AGRN: variants seen among roughly 807,000 people sequenced by gnomAD.
The protein encoded by AGRN is agrin.
AGRN carries 106 observed loss-of-function variants against 211.0 expected under a neutral mutation model. The observed-to-expected ratio is 0.50, with a 90% CI of 0.43 to 0.59. The LOEUF (loss-of-function observed/expected upper bound fraction) is 0.59. AGRN is among the 20% of genes least tolerant of loss of function. The probability of loss-of-function intolerance (pLI) is 0.00; values close to 1 mark genes in which losing one functional copy is unlikely to be tolerated. For synonymous variants in AGRN, 1,525 were observed against 1,332.5 expected, an observed-to-expected ratio of 1.14 and a Z score of -3.15; for missense variants, 3,040 against 2,982.6, an observed-to-expected ratio of 1.02 and a Z score of -0.45.
intron 30 of AGRN, 162 bp downstream of exon 30, chr1:1,050,999 G>A (rs1341559466): frequency 5.2e-6 from 8 of 1,549,912 alleles, no homozygotes; most frequent in African/African-American, 2.7e-5. Context: ...CTCTGCTCTC[G>A]CTCTGCAACC....
chr1:1,047,743 G>C lies in AGRN; in HGVS notation c.3632-33G>C, dbSNP rs2488998. ...AGGCAATGGGTGGGGGATGCCTGGG[G>C]CTCTGCCATGCTCAGAGCTCCCTCC... On this transcript the variant is annotated intron_variant, in intron 21 of 35. Coordinates refer to ENST00000379370, the MANE Select transcript of AGRN (RefSeq NM_198576.4). The C allele has an allele frequency of 6.2e-6, 10 of 1,611,220 alleles. No individual in the cohort carries two copies. In the South Asian group the frequency reaches 6.6e-5, roughly 11 times the overall value.
chr1:1,031,450 G>T lies in AGRN; in HGVS notation c.464-3827G>T, dbSNP rs887380337. Among the ~76,000 whole-genome samples, 1 of 152,168 alleles carries T rather than the reference G, an allele frequency of 6.6e-6. No homozygotes were observed. Among genetic ancestry groups the T allele is most frequent in the Non-Finnish European group, 1.5e-5 (1 of 68,018 alleles). On this transcript the variant is annotated intron_variant, in intron 2 of 35. Transcript: ENST00000379370. This position sits in a 1 kb window ranked among gnomAD's most constrained non-coding sequence, Gnocchi z 4.8. ...TCGCCTGAGCTCCCTCCCTGGCTGG[G>T]CCTGGGGCCTCAATGGCCCTTTGTC... is the stretch of plus-strand genomic sequence containing the variant.
At position 1,048,421 on chromosome 1, in the gene AGRN, T is replaced by TGG; in HGVS notation, c.4105+60_4105+61dup. 1.5e-6 allele frequency: 1 copy of TGG among 685,194 alleles called. No homozygotes were observed. Among genetic ancestry groups the TGG allele is most frequent in the Non-Finnish European group, 2.4e-6 (1 of 420,592 alleles). 42.4% of individuals were successfully genotyped at this position (685,194 alleles called of 1,614,324 possible). ...GAGGCAGCAGGGTGGGGGCAAGGATTGGGGGTGGGGCTAAGCCACCATCAG... is the reference window on the plus strand; with the variant it reads ...GAGGCAGCAGGGTGGGGGCAAGGATTGGGGGGGTGGGGCTAAGCCACCATCAG... On this transcript the variant is annotated intron_variant, in intron 23 of 35. Coordinates refer to ENST00000379370, the MANE Select transcript of AGRN (RefSeq NM_198576.4). The surrounding 1 kb of genome is among the most constrained non-coding windows in gnomAD (Gnocchi z 5.9).
At position 1,049,429 on chromosome 1, in the gene AGRN, G is replaced by A. The variant is rs772019604; in HGVS notation, c.4492G>A (p.Val1498Ile). 1.1e-5 allele frequency: 17 copies of A among 1,599,210 alleles called. No homozygotes were observed. The highest frequency in any genetic ancestry group is 3.3e-5 in the Admixed American group (2 of 59,984). The change falls in exon 25 of 36, where the codon GTA becomes ATA. Residue 1498 changes from valine to isoleucine, a missense_variant. Val to Ile is a conservative substitution (Grantham distance 29, BLOSUM62 3). Around this residue, in one of 3 missense-constraint regions of AGRN, gnomAD observed 1,537 missense variants for 1,505.0 expected, o/e 1.02. Coordinates refer to ENST00000379370, the MANE Select transcript of AGRN (RefSeq NM_198576.4). ...NLDTDLFVGG[V>I]PEDQAAVALE... ...GGACACAGACCTCTTTGTGGGCGGC[G>A]TACCCGAGGACCAGGCTGCCGTGTG...
intron 1 of AGRN, among the ~76,000 whole-genome samples, chr1:1,020,827 TG>T (rs1326088649): frequency 1.1e-4 from 2 of 17,836 alleles, no homozygotes; most frequent in Non-Finnish European, 3.2e-4. Flanking sequence ...GGGAGCCAGG[TG>T]GGGGGTGCCG....
rs201280723 is a variant in AGRN, at chr1:1,042,016, G to T, written c.1238G>T (p.Arg413Leu). 1.2e-6 allele frequency: 2 copies of T among 1,610,980 alleles called. No individual in the cohort carries two copies. The highest frequency in any genetic ancestry group is 1.3e-5 in the African/African-American group (1 of 75,022). The change falls in exon 7 of 36, where the codon CGC (arginine) becomes CTC (leucine). Residue 413 changes from arginine (R) to leucine (L), a missense_variant. Around this residue, in one of 3 missense-constraint regions of AGRN, gnomAD observed 1,498 missense variants for 1,457.8 expected, o/e 1.03. Coordinates refer to ENST00000379370, the MANE Select transcript of AGRN (RefSeq NM_198576.4). ...TGCCTGTCCCGCCGTGGCCGTCCCCGCTGCTCCTGCGACCGCGTCACCTGT... is the reference window on the plus strand; with the variant it reads ...TGCCTGTCCCGCCGTGGCCGTCCCCTCTGCTCCTGCGACCGCGTCACCTGT... ...AVCLSRRGRPRCSCDRVTCDG... is the reference protein window; with the variant it reads ...AVCLSRRGRPLCSCDRVTCDG...
chr1:1,045,593 C>T (rs1645068514), intron 14 of AGRN, 70 bp downstream of exon 14: 3 of 1,604,202 alleles, frequency 1.9e-6, no homozygotes, highest in Non-Finnish European at 2.6e-6. Context: ...CACTGTGCTT[C>T]TCCTCACCTG....
chr1:1,036,306 C>T (rs540033633), intron 3 of AGRN, among the ~76,000 whole-genome samples: 13 of 152,228 alleles, frequency 8.5e-5, no homozygotes, highest in East Asian at 1.9e-4. Context: ...CTGTGATGCC[C>T]GCCTGTGCTG....
intron 33 of AGRN, chr1:1,052,386 G>A: frequency 3.0e-6 from 1 of 338,580 alleles, no homozygotes. Context: ...TGTGTGCATG[G>A]GTCCATGTAT....
chr1:1,040,378 T>G (rs1210646670), intron 3 of AGRN, among the ~76,000 whole-genome samples: 1 of 152,108 alleles, frequency 6.6e-6, no homozygotes, highest in Non-Finnish European at 1.5e-5. Context: ...CAGAGTCGGG[T>G]GCCGCCTGCG....
Position 1,046,101 on chromosome 1 carries a change from G to A in AGRN, c.2805+13G>A. The A allele has an allele frequency of 6.2e-7, 1 of 1,614,008 alleles. No homozygotes were observed. The highest frequency in any genetic ancestry group is 8.5e-7 in the Non-Finnish European group (1 of 1,180,010). ...CAACGCTACCAAGGTGAGGGGTGTG[G>A]GATGTGAAGGGGAGTGGGGAGGAGG... On this transcript the variant is annotated intron_variant, in intron 16 of 35. Transcript: ENST00000379370.
Position 1,047,312 on chromosome 1 carries a change from G to T in AGRN, c.3389-15G>T. 1 of 1,591,816 alleles carries T rather than the reference G, an allele frequency of 6.3e-7. No individual in the cohort carries two copies. Among genetic ancestry groups the T allele is most frequent in the Non-Finnish European group, 8.5e-7 (1 of 1,170,012 alleles). On this transcript the variant is annotated splice_polypyrimidine_tract_variant and intron_variant, in intron 19 of 35. Transcript: ENST00000379370. ...GGCAGATGCCAGGCAGGGCCTCACT[G>T]TACCTCCCCCACAGCCACCAAGGTG...
intron 12 of AGRN, 24 bp from the exon 13 acceptor site, chr1:1,045,137 T>TGAG (rs1271943014): frequency 6.2e-7 from 1 of 1,608,120 alleles, no homozygotes; most frequent in African/African-American, 1.3e-5. Flanking sequence ...GCATGAAATC[T>TGAG]GAGTCCCGTA....
rs547649133 is a variant in AGRN, at chr1:1,031,077, G to A, written c.464-4200G>A. On this transcript the variant is annotated intron_variant, in intron 2 of 35. Transcript: ENST00000379370. This position sits in a 1 kb window ranked among gnomAD's most constrained non-coding sequence, Gnocchi z 4.8. ...GTGTGTGTGTGCAGTGCATGGTGCT[G>A]TGAGTGTGATTGTGTGTGTGTGTGT... Among the ~76,000 whole-genome samples, 2 of 124,864 alleles carry A rather than the reference G, an allele frequency of 1.6e-5. No individual in the cohort carries two copies. The highest frequency in any genetic ancestry group is 5.6e-4 in the South Asian group (2 of 3,564). The allele number at this position is 124,864 out of a possible 152,430, so 81.9% of individuals were successfully genotyped here.
chr1:1,052,436 G>A (rs945401389), intron 33 of AGRN: 39 of 301,992 alleles, frequency 1.3e-4, no homozygotes, highest in East Asian at 7.5e-4. Flanking sequence ...GTAGATATGC[G>A]TGTGTGACTA....
intron 1 of AGRN, among the ~76,000 whole-genome samples, chr1:1,021,769 G>A (rs1476723223): frequency 6.6e-6 from 1 of 152,240 alleles, no homozygotes; most frequent in Non-Finnish European, 1.5e-5. Context: ...CCAGCCACAG[G>A]GCCAAGCTGG....
At chr1:1,022,631 A>G (rs1312837907) in intron 2 of AGRN, among the ~76,000 whole-genome samples, 169 bp downstream of exon 2, 1 of 121,768 alleles carries the variant, frequency 8.2e-6, no homozygotes, top group Non-Finnish European at 1.8e-5. Flanking sequence ...CTGGCTCCCC[A>G]GCTGCATCTC....
rs542631667 is a variant in AGRN, at chr1:1,048,093, G to A, written c.3833G>A (p.Arg1278His). 10 of 1,572,832 alleles carry A rather than the reference G, an allele frequency of 6.4e-6. No homozygotes were observed. In the Admixed American group the frequency reaches 7.0e-5, roughly 11 times the overall value. ...GATARATTAS[R>H]LPSSAVTPRA... is the part of the protein sequence containing the mutation. ...ACGGCCAGAGCCACCACTGCATCGCGCCTGCCGTCCTCTGCTGTGACCCCT... is the reference window on the plus strand; with the variant it reads ...ACGGCCAGAGCCACCACTGCATCGCACCTGCCGTCCTCTGCTGTGACCCCT... The change falls in exon 23 of 36, where the codon CGC becomes CAC. Residue 1278 changes from arginine to histidine, a missense_variant. Physicochemically the swap from Arg to His is conservative, Grantham distance 29. Coordinates refer to ENST00000379370, the MANE Select transcript of AGRN (RefSeq NM_198576.4). This position sits in a 1 kb window ranked among gnomAD's most constrained non-coding sequence, Gnocchi z 5.9.
At chr1:1,028,608 C>A (rs1474840295) in intron 2 of AGRN, among the ~76,000 whole-genome samples, 1 of 116,358 alleles carries the variant, frequency 8.6e-6, no homozygotes, top group Non-Finnish European at 1.8e-5. Flanking sequence ...CCAAGGGCGC[C>A]CACAGCCACG....
Sources: gnomAD v4.1 joint callset for allele counts (sites outside exome capture counted in the v4.1 genomes callset) on GRCh38, gnomAD v4.1.1 for gene constraint, gnomAD v4.1.1 regional missense constraint, Gnocchi (gnomAD v3.1) non-coding constraint, MANE v1.5 for transcripts, NCBI Gene and HGNC (gene_info 2026-07-23, HGNC 2026-07-21) for gene names.